Variants in SCAMP2 observed in about 807,000 individuals in gnomAD.
SCAMP2 encodes secretory carrier-associated membrane protein 2.
SCAMP2 carries 25 observed loss-of-function variants against 44.1 expected under a neutral mutation model. That is an observed-to-expected ratio of 0.57 (90% CI 0.41 to 0.79). The LOEUF (loss-of-function observed/expected upper bound fraction) is 0.79, where lower values mean the gene tolerates loss of function less well. SCAMP2 is among the 30% of genes least tolerant of loss of function. The pLI is 0.00. For missense variants in SCAMP2, 355 were observed against 411.0 expected (o/e 0.86, Z 1.18); for synonymous variants, 156 against 166.0 (o/e 0.94, Z 0.46).
At position 74,845,229 on chromosome 15, in the gene SCAMP2, G is replaced by A; in HGVS notation, c.856-12C>T. 6.2e-7 allele frequency: 1 copy of A among 1,610,888 alleles called. No homozygotes were observed. Among genetic ancestry groups the A allele is most frequent in the Non-Finnish European group, 8.5e-7 (1 of 1,179,642 alleles). Reference sequence around the variant, plus strand: ...TAGAGGGAGTGCACCTGGCGAAGAGGGGTGGGGTGAGAGAAGCCTGTCCTT... The same window carrying A: ...TAGAGGGAGTGCACCTGGCGAAGAGAGGTGGGGTGAGAGAAGCCTGTCCTT... On this transcript the variant is annotated splice_polypyrimidine_tract_variant and intron_variant, in intron 8 of 8. Transcript: ENST00000268099.
In SCAMP2 at chr15:74,844,918, C is replaced by T. The variant is rs2064384037; in HGVS notation, c.*165G>A. On this transcript the variant is annotated 3_prime_UTR_variant, in exon 9 of 9. Coordinates refer to ENST00000268099, the MANE Select transcript of SCAMP2 (RefSeq NM_005697.5). ...ATAGAGGGGGAAAAAATTCCCTGTCCCTCCCGTTCCAGGGAGAGCTGGTCG... is the reference window on the plus strand; with the variant it reads ...ATAGAGGGGGAAAAAATTCCCTGTCTCTCCCGTTCCAGGGAGAGCTGGTCG... 1 of 710,350 alleles carries T rather than the reference C, an allele frequency of 1.4e-6. No individual in the cohort carries two copies. Among genetic ancestry groups the T allele is most frequent in the South Asian group, 2.2e-5 (1 of 45,958 alleles). 44.0% of individuals were successfully genotyped at this position (710,350 alleles called of 1,614,324 possible). A position where few individuals can be genotyped will look rare whatever the true frequency, so the allele number is the denominator to read the frequency against.
Position 74,845,289 on chromosome 15 carries a change from C to A in SCAMP2, c.856-72G>T, listed in dbSNP as rs1263813056. 72 of 1,592,736 alleles carry A rather than the reference C, an allele frequency of 4.5e-5. 1 individual carries two copies. In the South Asian group the frequency reaches 5.1e-4, roughly 11 times the overall value. The stretch of plus-strand genomic sequence containing the variant: ...CAGGAAGCCAGCCATCCAGGTTATA[C>A]TCCCAAAGGGGTCACCAGAAGCCTG... On this transcript the variant is annotated intron_variant, in intron 8 of 8. Coordinates refer to ENST00000268099, the MANE Select transcript of SCAMP2 (RefSeq NM_005697.5).
rs761823333 is a variant in SCAMP2 at position 74,852,087 on chromosome 15, T to C, written c.325A>G (p.Thr109Ala). Reference sequence around the variant, plus strand: ...CCCTTACCATGCAAGTTGGCTACAGTGTTCTGCAGCTCCCGCTCCTTGCGT... The same window carrying C: ...CCCTTACCATGCAAGTTGGCTACAGCGTTCTGCAGCTCCCGCTCCTTGCGT... ...LERKERELQN[T>A]VANLHVRQNN... The change falls in exon 4 of 9, where the codon ACT becomes GCT. Residue 109 changes from threonine (T) to alanine (A), a missense_variant. Coordinates refer to ENST00000268099, the MANE Select transcript of SCAMP2 (RefSeq NM_005697.5). 1.3e-6 allele frequency: 2 copies of C among 1,582,060 alleles called. No homozygotes were observed. The highest frequency in any genetic ancestry group is 1.2e-5 in the South Asian group (1 of 86,750).
rs138436288 is a variant in SCAMP2, at chr15:74,853,102, C to G, written c.226-916G>C. On this transcript the variant is annotated intron_variant, in intron 3 of 8. Transcript: ENST00000268099. ...AAGCTCTTCAAAGACCTAAGGCTGA[C>G]GTGGAGAGCCAAGTTTCAGGCACTG... The G allele has an allele frequency of 7.2e-4, 212 of 296,488 alleles. 1 individual carries two copies. Among genetic ancestry groups the G allele is most frequent in the African/African-American group, 4.3e-3 (196 of 45,606 alleles). The allele number at this position is 296,488 out of a possible 1,614,324, so 18.4% of individuals were successfully genotyped here. A position where few individuals can be genotyped will look rare whatever the true frequency, so the allele number is the denominator to read the frequency against.
intron 1 of SCAMP2, among the ~76,000 whole-genome samples, chr15:74,865,074 CAAAAA>C (rs36079981): frequency 3.0e-5 from 1 of 32,824 alleles, no homozygotes; most frequent in African/African-American, 1.4e-4. Flanking sequence ...GACTCTATCT[CAAAAA>C]AAAAAAAAAA....
At chr15:74,868,200 T>A (rs1596426178) in intron 1 of SCAMP2, among the ~76,000 whole-genome samples, 1 of 152,128 alleles carries the variant, frequency 6.6e-6, no homozygotes, top group Admixed American at 6.6e-5. Flanking sequence ...TCCTAGGAGG[T>A]GGGCAAACCT....
At chr15:74,846,538 C>T (rs539897887) in intron 7 of SCAMP2, among the ~76,000 whole-genome samples, 41 of 151,918 alleles carry the variant, frequency 2.7e-4, no homozygotes, top group Non-Finnish European at 4.6e-4. Flanking sequence ...CCAAGATGGG[C>T]GGATCACGAG....
chr15:74,848,174 C>T (rs1329856266), intron 7 of SCAMP2, among the ~76,000 whole-genome samples: 1 of 151,578 alleles, frequency 6.6e-6, no homozygotes, highest in Non-Finnish European at 1.5e-5. Context: ...CTCAAGTGAT[C>T]CTCCTGCTTC....
chr15:74,854,038 T>A lies in SCAMP2; in HGVS notation c.208A>T (p.Thr70Ser), dbSNP rs75280463. The change falls in exon 3 of 9, where the codon ACC becomes TCC. Residue 70 changes from threonine to serine, a missense_variant. By Grantham distance (58) the Thr-to-Ser change is moderately conservative. Coordinates refer to ENST00000268099, the MANE Select transcript of SCAMP2 (RefSeq NM_005697.5). ...AGCACTACCTGGGGGGTCGGCTGGGTTGGTTCCACTGATGGCTGGAGAACC... is the reference window on the plus strand; with the variant it reads ...AGCACTACCTGGGGGGTCGGCTGGGATGGTTCCACTGATGGCTGGAGAACC... The part of the protein sequence containing the change: ...PAVLQPSVEP[T>S]QPTPQAVVSA... The A allele has an allele frequency of 5.8e-3, 9,364 of 1,614,058 alleles. 36 individuals carry two copies. Among genetic ancestry groups the A allele is most frequent in the Non-Finnish European group, 7.3e-3 (8,593 of 1,179,948 alleles).
In SCAMP2 at chr15:74,855,030, G is replaced by C. The variant is rs185592134; in HGVS notation, c.58-381C>G. ...GAGGGGCAAGTGAATGGGGTGGTGA[G>C]GGTAGAGACTTACTATTGACTTTAT... On this transcript the variant is annotated intron_variant, in intron 1 of 8. Transcript: ENST00000268099. Among the ~76,000 whole-genome samples the C allele has an allele frequency of 5.3e-5, 8 of 151,368 alleles. No individual in the cohort carries two copies. The East Asian group carries it at 1.6e-3, about 29-fold the overall frequency.
At position 74,859,227 on chromosome 15, in the gene SCAMP2, G is replaced by A. The variant is rs567579395; in HGVS notation, c.58-4578C>T. On this transcript the variant is annotated intron_variant, in intron 1 of 8. Transcript: ENST00000268099. ...GTGGCTATTGCCCTTTACTGAATTTGTAACAAATAAAAGGCTCTTAACCTC... is the reference window on the plus strand; with the variant it reads ...GTGGCTATTGCCCTTTACTGAATTTATAACAAATAAAAGGCTCTTAACCTC... 3.2e-3 allele frequency among the ~76,000 whole-genome samples: 484 copies of A among 152,284 alleles called. 1 individual carries two copies. Among genetic ancestry groups the A allele is most frequent in the Non-Finnish European group, 5.1e-3 (350 of 68,032 alleles).
rs560935670 is a variant in SCAMP2, at chr15:74,846,842, T to C, written c.735-1249A>G. 2.0e-5 allele frequency among the ~76,000 whole-genome samples: 3 copies of C among 152,234 alleles called. No homozygotes were observed. In the South Asian group the frequency reaches 6.2e-4, roughly 32 times the overall value. On this transcript the variant is annotated intron_variant, in intron 7 of 8. Coordinates refer to ENST00000268099, the MANE Select transcript of SCAMP2 (RefSeq NM_005697.5). ...GGGTGGGGAGTATGGAAAGCGTGGC[T>C]GCTCACTCCTGAGGACCCACCTTCT...
chr15:74,859,237 A>G (rs1266166498), intron 1 of SCAMP2, among the ~76,000 whole-genome samples: 2 of 152,208 alleles, frequency 1.3e-5, no homozygotes, highest in Admixed American at 6.5e-5. Flanking sequence ...GTAACAAATA[A>G]AAGGCTCTTA....
At position 74,850,503 on chromosome 15, in the gene SCAMP2, G is replaced by GCCTCA. The variant is rs1159590698; in HGVS notation, c.632+6_632+10dup. The GCCTCA allele has an allele frequency of 5.0e-6, 8 of 1,613,240 alleles. No individual in the cohort carries two copies. The highest frequency in any genetic ancestry group is 6.8e-6 in the Non-Finnish European group (8 of 1,179,456). On this transcript the variant is annotated intron_variant, in intron 6 of 8. Transcript: ENST00000268099. ...CCATAAAGTCTCACCCCTTGCCCCG[G>GCCTCA]CCTCACTCACCTAAAGGCCTTATAG...
In SCAMP2 at chr15:74,854,024, G is replaced by A. The variant is rs1237981135; in HGVS notation, c.222C>T (p.Pro74=). ...QPSVEPTQPT[P]QAVVSAAQAG... ...CAGAGTTCTTTGTCAGCACTACCTG[G>A]GGGGTCGGCTGGGTTGGTTCCACTG... The change falls in exon 3 of 9, where the codon CCC becomes CCT. Residue 74 remains proline, a synonymous_variant. Coordinates refer to ENST00000268099, the MANE Select transcript of SCAMP2 (RefSeq NM_005697.5). The A allele has an allele frequency of 6.2e-7, 1 of 1,613,294 alleles. No homozygotes were observed. The highest frequency in any genetic ancestry group is 1.3e-5 in the African/African-American group (1 of 74,922).
chr15:74,863,114 G>T (rs1596422311), intron 1 of SCAMP2, among the ~76,000 whole-genome samples: 1 of 151,992 alleles, frequency 6.6e-6, no homozygotes, highest in African/African-American at 2.4e-5. Flanking sequence ...GGAGGCTGAG[G>T]TGGACGGATC....
At chr15:74,848,738 T>C (rs1366809405) in intron 6 of SCAMP2, 37 bp from the exon 7 acceptor site, 2 of 1,467,968 alleles carry the variant, frequency 1.4e-6, no homozygotes, top group African/African-American at 1.4e-5. Context: ...CAAGAGGGCT[T>C]GGGCTGTGTT....
At chr15:74,852,010 T>C (rs2064438473) in intron 4 of SCAMP2, 59 bp downstream of exon 4, 3 of 1,256,530 alleles carry the variant, frequency 2.4e-6, no homozygotes, top group Non-Finnish European at 3.3e-6. Context: ...TCCGCACAGG[T>C]TTCAGGACAC....
chr15:74,858,972 C>T (rs552612320), intron 1 of SCAMP2, among the ~76,000 whole-genome samples: 2 of 151,986 alleles, frequency 1.3e-5, no homozygotes, highest in South Asian at 2.1e-4. Flanking sequence ...CCACGCCCGG[C>T]TACTTTTTTT....
Sources: gnomAD v4.1 joint callset for allele counts (sites outside exome capture counted in the v4.1 genomes callset) on GRCh38, gnomAD v4.1.1 for gene constraint, MANE v1.5 for transcripts, NCBI Gene and HGNC (gene_info 2026-07-23, HGNC 2026-07-21) for gene names.